The following WDFY3 variants were observed in gnomAD, a reference collection of about 807,000 sequenced individuals.
WDFY3 encodes WD repeat and FYVE domain-containing protein 3.
A neutral mutation model predicts 409.6 loss-of-function variants in WDFY3; 66 were observed. The observed-to-expected ratio is 0.16, with a 90% CI of 0.13 to 0.20. The LOEUF (loss-of-function observed/expected upper bound fraction) is 0.20, where lower values mean the gene tolerates loss of function less well. Among genes scored for constraint, WDFY3 ranks in the 10% least tolerant of loss-of-function variants. The pLI, the probability that WDFY3 is intolerant of heterozygous loss-of-function variation, is 1.00. For missense variants in WDFY3, 3,031 were observed against 4,298.1 expected (o/e 0.71, Z 8.24); for synonymous variants, 1,521 against 1,537.1 (o/e 0.99, Z 0.25).
intron 47 of WDFY3, among the ~76,000 whole-genome samples, chr4:84,720,705 T>C (rs1734715358): frequency 1.3e-5 from 2 of 152,226 alleles, no homozygotes; most frequent in South Asian, 2.1e-4. Flanking sequence ...GCTGGTGCCA[T>C]GCTTGTACAG....
intron 3 of WDFY3, among the ~76,000 whole-genome samples, chr4:84,884,735 A>G (rs891530039): frequency 2.0e-5 from 3 of 152,212 alleles, no homozygotes; most frequent in Admixed American, 1.3e-4. Context: ...GCAGAATGGT[A>G]TAACAACAAA....
intron 67 of WDFY3, 149 bp downstream of exon 67, chr4:84,677,047 TAAA>T (rs1320584292): frequency 2.4e-5 from 21 of 871,520 alleles, no homozygotes; most frequent in African/African-American, 3.4e-5. Flanking sequence ...ATTGTAGTAA[TAAA>T]GAAGAACAGA....
Position 84,836,992 on chromosome 4 carries a change from T to G in WDFY3, c.513A>C (p.Gly171=). Residue 171 remains glycine, a synonymous_variant, in exon 7 of 68, where the codon GGA becomes GGC. Transcript: ENST00000295888. ...FDLPHVPEAV[G]GAQNELPLAE... ...CTAGAGGTAGCTCATTCTGTGCACC[T>G]CCAACTGCCTCAGGCACATGTGGAA... 1 of 1,601,624 alleles carries G rather than the reference T, an allele frequency of 6.2e-7. No individual in the cohort carries two copies. The highest frequency in any genetic ancestry group is 1.3e-5 in the African/African-American group (1 of 74,740).
At chr4:84,781,763 T>C (rs1027790770) in intron 25 of WDFY3, among the ~76,000 whole-genome samples, 20 of 152,186 alleles carry the variant, frequency 1.3e-4, no homozygotes, top group African/African-American at 4.8e-4. Context: ...GCTGCTATAC[T>C]TTTGAAAAGG....
intron 5 of WDFY3, among the ~76,000 whole-genome samples, chr4:84,845,519 A>G (rs1247526372): frequency 6.6e-6 from 1 of 152,162 alleles, no homozygotes. Flanking sequence ...TGGTATGTAT[A>G]GTTAACAGTC....
chr4:84,957,557 G>A (rs1774397507), intron 1 of WDFY3, among the ~76,000 whole-genome samples: 1 of 152,192 alleles, frequency 6.6e-6, no homozygotes, highest in Non-Finnish European at 1.5e-5. Context: ...GACAGGACAT[G>A]AAAGCCTGCA....
intron 5 of WDFY3, among the ~76,000 whole-genome samples, chr4:84,848,525 G>T (rs1249378791): frequency 6.6e-6 from 1 of 152,168 alleles, no homozygotes; most frequent in Non-Finnish European, 1.5e-5. Context: ...TCAACCCATG[G>T]TCAACTTTCC....
At chr4:84,702,602 T>C in intron 55 of WDFY3, 96 bp from the exon 56 acceptor site, 1 of 1,095,924 alleles carries the variant, frequency 9.1e-7, no homozygotes, top group Non-Finnish European at 1.2e-6. Flanking sequence ...CTATAGTTGG[T>C]GACATTTCAA....
At chr4:84,737,125 T>C (rs1737579164) in intron 41 of WDFY3, 59 bp downstream of exon 41, 1 of 1,573,570 alleles carries the variant, frequency 6.4e-7, no homozygotes, top group Non-Finnish European at 8.7e-7. Context: ...ATTTAAAGTA[T>C]ACCCATATAT....
At chr4:84,939,199 A>C (rs1437125273) in intron 1 of WDFY3, among the ~76,000 whole-genome samples, 1 of 152,134 alleles carries the variant, frequency 6.6e-6, no homozygotes, top group Admixed American at 6.6e-5. Flanking sequence ...TTTTTAAAGT[A>C]GAACATTCCT....
chr4:84,882,622 A>T (rs923903346), intron 3 of WDFY3, among the ~76,000 whole-genome samples: 10 of 152,220 alleles, frequency 6.6e-5, no homozygotes, highest in Non-Finnish European at 1.5e-4. Flanking sequence ...ACACTTTAAA[A>T]TAAAAGGTGA....
Position 84,737,281 on chromosome 4 carries a change from T to A in WDFY3, c.6660A>T (p.Lys2220Asn). Reference protein sequence around the residue: ...SKKQVLEELFKVTLPVNERGH... With the variant: ...SKKQVLEELFNVTLPVNERGH... ...CCCTTTCATTCACAGGTAGAGTTACTTTGAAAAGTTCCTCTAAGACTTGTT... is the reference window on the plus strand; with the variant it reads ...CCCTTTCATTCACAGGTAGAGTTACATTGAAAAGTTCCTCTAAGACTTGTT... The change falls in exon 41 of 68, where the codon AAA becomes AAT. Residue 2220 changes from lysine to asparagine, a missense_variant. This residue lies in a region of WDFY3 where 314 missense variants were observed against 397.4 expected (regional missense o/e 0.79). Transcript: ENST00000295888. 6 of 1,614,068 alleles carry A rather than the reference T, an allele frequency of 3.7e-6. No individual in the cohort carries two copies. The highest frequency in any genetic ancestry group is 5.1e-6 in the Non-Finnish European group (6 of 1,179,982).
intron 3 of WDFY3, among the ~76,000 whole-genome samples, chr4:84,882,610 A>C (rs1763685717): frequency 6.6e-6 from 1 of 152,218 alleles, no homozygotes. Flanking sequence ...AAATTCCTAA[A>C]CACACTTTAA....
At chr4:84,952,616 C>T (rs1239294275) in intron 1 of WDFY3, among the ~76,000 whole-genome samples, 1 of 152,148 alleles carries the variant, frequency 6.6e-6, no homozygotes, top group Non-Finnish European at 1.5e-5. Flanking sequence ...CTGCCACTGA[C>T]AGCTACCACT....
intron 3 of WDFY3, among the ~76,000 whole-genome samples, chr4:84,872,047 G>A (rs893829989): frequency 6.6e-6 from 1 of 152,192 alleles, no homozygotes; most frequent in Non-Finnish European, 1.5e-5. Flanking sequence ...TATCACAAGG[G>A]AGAGGAGGGA....
At chr4:84,833,027 T>G (rs1755979811) in intron 7 of WDFY3, among the ~76,000 whole-genome samples, 1 of 152,120 alleles carries the variant, frequency 6.6e-6, no homozygotes, top group African/African-American at 2.4e-5. Context: ...TTCAGAGTAT[T>G]TTAAATCTAG....
intron 61 of WDFY3, among the ~76,000 whole-genome samples, chr4:84,689,292 G>T (rs1171344846): frequency 2.6e-5 from 4 of 152,178 alleles, no homozygotes; most frequent in Non-Finnish European, 5.9e-5. Flanking sequence ...TATAAAAAAA[G>T]AGTTGGCTTA....
At chr4:84,736,049 T>G in intron 42 of WDFY3, 121 bp downstream of exon 42, 1 of 1,120,334 alleles carries the variant, frequency 8.9e-7, no homozygotes, top group East Asian at 2.6e-5. Context: ...TCTGGATTAC[T>G]TCTATCTCTA....
chr4:84,928,832 A>C (rs913498763), intron 2 of WDFY3, among the ~76,000 whole-genome samples: 21 of 152,194 alleles, frequency 1.4e-4, no homozygotes, highest in African/African-American at 5.1e-4. Context: ...TAACGTAGCG[A>C]AGTGAAAAGT....
Sources: gnomAD v4.1 joint callset for allele counts (sites outside exome capture counted in the v4.1 genomes callset) on GRCh38, gnomAD v4.1.1 for gene constraint, gnomAD v4.1.1 regional missense constraint, MANE v1.5 for transcripts, NCBI Gene and HGNC (gene_info 2026-07-23, HGNC 2026-07-21) for gene names.